Variants in ATP9B observed in about 807,000 individuals in gnomAD.
ATP9B encodes the protein probable phospholipid-transporting ATPase IIB.
Under a neutral mutation model 146.1 loss-of-function variants are expected in ATP9B, and 110 were observed. The observed-to-expected ratio is 0.75, with a 90% CI of 0.65 to 0.88. The LOEUF (loss-of-function observed/expected upper bound fraction) is 0.88. Among genes scored for constraint, ATP9B ranks in the 40% least tolerant of loss-of-function variants. The pLI, the probability that ATP9B is intolerant of heterozygous loss-of-function variation, is 0.00. For missense variants in ATP9B, 1,499 were observed against 1,496.4 expected (o/e 1.00, Z -0.03); for synonymous variants, 604 against 569.7 (o/e 1.06, Z -0.86).
At position 79,321,384 on chromosome 18, in the gene ATP9B, A is replaced by AT. The variant is rs11339661; in HGVS notation, c.1774-7741dup. Among the ~76,000 whole-genome samples, 1,165 of 132,588 alleles carry AT rather than the reference A, an allele frequency of 8.8e-3. 5 individuals carry two copies. Among genetic ancestry groups the AT allele is most frequent in the African/African-American group, 0.017 (607 of 35,922 alleles). 87.0% of individuals were successfully genotyped at this position (132,588 alleles called of 152,430 possible). On this transcript the variant is annotated intron_variant, in intron 15 of 29. Transcript: ENST00000426216. ...TTTCTTGTAGTTATTTCATCTAGCA[A>AT]TTTTTTTTTTTTTTTTGAGGCAGAG...
At chr18:79,200,779 A>AGGGGGAGGTGGGAACTGTCGGGGTCAG (rs2095475928) in intron 9 of ATP9B, among the ~76,000 whole-genome samples, 1 of 28,514 alleles carries the variant, frequency 3.5e-5, no homozygotes. Flanking sequence ...GTCAGAGCAG[A>AGGGGGAGGTGGGAACTGTCGGGGTCAG]AGTAGTGGTG....
At chr18:79,301,472 AAAAC>A (rs542280159) in intron 13 of ATP9B, among the ~76,000 whole-genome samples, 42 of 152,376 alleles carry the variant, frequency 2.8e-4, no homozygotes, top group East Asian at 5.8e-4. Context: ...TCCGTCTCAA[AAAAC>A]AAACAAACAA....
At chr18:79,129,400 G>A (rs573454352) in intron 5 of ATP9B, among the ~76,000 whole-genome samples, 5 of 152,290 alleles carry the variant, frequency 3.3e-5, no homozygotes, top group African/African-American at 1.2e-4. Context: ...GAAGGATGCA[G>A]CACAGTTGTT....
At chr18:79,281,727 A>T (rs1032680686) in intron 13 of ATP9B, among the ~76,000 whole-genome samples, 10 of 152,128 alleles carry the variant, frequency 6.6e-5, no homozygotes, top group African/African-American at 2.4e-4. Context: ...AGTAGTTTTT[A>T]AAAAAATCTT....
At chr18:79,114,684 T>C (rs1235091986) in intron 4 of ATP9B, among the ~76,000 whole-genome samples, 1 of 152,172 alleles carries the variant, frequency 6.6e-6, no homozygotes, top group Non-Finnish European at 1.5e-5. Context: ...TGAATACATT[T>C]TTAACTTATT....
At chr18:79,311,325 G>A (rs2096651203) in intron 15 of ATP9B, among the ~76,000 whole-genome samples, 1 of 152,172 alleles carries the variant, frequency 6.6e-6, no homozygotes, top group Middle Eastern at 3.2e-3. Flanking sequence ...GTGAGGATGT[G>A]AGGCCCTCCT....
At position 79,232,516 on chromosome 18, in the gene ATP9B, C is replaced by T. The variant is rs540391643; in HGVS notation, c.1107+18478C>T. Reference sequence around the variant, plus strand: ...TCCTGGCAAGATGAACATAAAGCCCCACACTAAAGGCTTGTTTACTTCAGC... The same window carrying T: ...TCCTGGCAAGATGAACATAAAGCCCTACACTAAAGGCTTGTTTACTTCAGC... On this transcript the variant is annotated intron_variant, in intron 11 of 29. Transcript: ENST00000426216. 6.6e-5 allele frequency among the ~76,000 whole-genome samples: 10 copies of T among 152,346 alleles called. No homozygotes were observed. The South Asian group carries it at 2.1e-3, about 32-fold the overall frequency.
At chr18:79,205,812 A>T (rs977228134) in intron 9 of ATP9B, among the ~76,000 whole-genome samples, 2 of 152,216 alleles carry the variant, frequency 1.3e-5, no homozygotes, top group South Asian at 4.1e-4. Context: ...TAAATGTAAA[A>T]CTAGACTGTA....
chr18:79,202,244 G>A (rs1387567312), intron 9 of ATP9B, among the ~76,000 whole-genome samples: 1 of 152,160 alleles, frequency 6.6e-6, no homozygotes, highest in Non-Finnish European at 1.5e-5. Flanking sequence ...TTTTCATTAT[G>A]TGAATGATTG....
intron 11 of ATP9B, 115 bp downstream of exon 11, chr18:79,214,153 C>T (rs2095607486): frequency 1.7e-6 from 1 of 576,518 alleles, no homozygotes; most frequent in Non-Finnish European, 2.7e-6. Flanking sequence ...TTAAAGTAGA[C>T]TTTCAAAAAT....
chr18:79,345,348 G>A, intron 21 of ATP9B, 80 bp from the exon 22 acceptor site: 1 of 1,538,694 alleles, frequency 6.5e-7, no homozygotes, highest in Non-Finnish European at 8.8e-7. Flanking sequence ...TGCTCCCATG[G>A]TTTTGCACTT....
intron 11 of ATP9B, among the ~76,000 whole-genome samples, chr18:79,225,083 C>T (rs2095716002): frequency 6.6e-6 from 1 of 152,198 alleles, no homozygotes; most frequent in African/African-American, 2.4e-5. Context: ...TTCCTTAAGG[C>T]ATAGTTTGTG....
rs868490275 is a variant in ATP9B, at chr18:79,367,196, C to T, written c.3013-5629C>T. Reference sequence around the variant, plus strand: ...AGCACACAGATACCTTCACCTCCACCGTGTGTATGCAGAGAAAGTGCCTCC... The same window carrying T: ...AGCACACAGATACCTTCACCTCCACTGTGTGTATGCAGAGAAAGTGCCTCC... On this transcript the variant is annotated intron_variant, in intron 26 of 29. Transcript: ENST00000426216. Among the ~76,000 whole-genome samples, 19 of 84,718 alleles carry T rather than the reference C, an allele frequency of 2.2e-4. 7 individuals are homozygous for T. Among genetic ancestry groups the T allele is most frequent in the South Asian group, 1.4e-3 (3 of 2,114 alleles). 55.6% of individuals were successfully genotyped at this position (84,718 alleles called of 152,430 possible).
chr18:79,369,131 G>T (rs879837561), intron 26 of ATP9B, among the ~76,000 whole-genome samples: 9 of 152,204 alleles, frequency 5.9e-5, no homozygotes, highest in African/African-American at 2.2e-4. Flanking sequence ...ATTTGTTGTT[G>T]TTGTTGTTCT....
rs567068306 is a variant in ATP9B at position 79,351,923 on chromosome 18, C to T, written c.2903+3727C>T. Among the ~76,000 whole-genome samples the T allele has an allele frequency of 7.9e-5, 12 of 152,266 alleles. No homozygotes were observed. In the South Asian group the frequency reaches 1.9e-3, roughly 24 times the overall value. Reference sequence around the variant, plus strand: ...GCCCACTCTGCCCTTGCCCCCCAAGCAGGCCTGGGGAATGCCATGCCCTCC... The same window carrying T: ...GCCCACTCTGCCCTTGCCCCCCAAGTAGGCCTGGGGAATGCCATGCCCTCC... On this transcript the variant is annotated intron_variant, in intron 25 of 29. Coordinates refer to ENST00000426216, the MANE Select transcript of ATP9B (RefSeq NM_198531.5).
intron 11 of ATP9B, among the ~76,000 whole-genome samples, chr18:79,246,503 C>A (rs2095965785): frequency 6.6e-6 from 1 of 152,360 alleles, no homozygotes; most frequent in South Asian, 2.1e-4. Context: ...TCCTACCCCC[C>A]ATAATCCAGG....
At chr18:79,104,667 T>G (rs752349119) in intron 2 of ATP9B, among the ~76,000 whole-genome samples, 19 of 152,144 alleles carry the variant, frequency 1.2e-4, no homozygotes, top group Non-Finnish European at 2.5e-4. Context: ...AAAATATAGA[T>G]GGTAGCAGCA....
At chr18:79,334,241 T>C (rs2096807741) in intron 17 of ATP9B, among the ~76,000 whole-genome samples, 1 of 151,880 alleles carries the variant, frequency 6.6e-6, no homozygotes, top group South Asian at 2.1e-4. Flanking sequence ...CCTGTAGTCC[T>C]AGCTGCTGGG....
At chr18:79,285,117 G>A (rs11081526) in intron 13 of ATP9B, among the ~76,000 whole-genome samples, 1,722 of 151,104 alleles carry the variant, frequency 0.011, 25 homozygotes, top group Admixed American at 0.02. Context: ...ATGATTTATA[G>A]TCCTTTGGGT....
Sources: gnomAD v4.1 joint callset for allele counts (sites outside exome capture counted in the v4.1 genomes callset) on GRCh38, gnomAD v4.1.1 for gene constraint, MANE v1.5 for transcripts, NCBI Gene and HGNC (gene_info 2026-07-23, HGNC 2026-07-21) for gene names.